Variants in DPP6 observed in about 807,000 individuals in gnomAD.
DPP6 encodes the protein dipeptidyl peptidase like 6.
DPP6 carries 69 observed loss-of-function variants against 122.6 expected under a neutral mutation model. The observed-to-expected ratio is 0.56, with a 90% CI of 0.46 to 0.69. The LOEUF (loss-of-function observed/expected upper bound fraction) is 0.69. Among genes scored for constraint, DPP6 ranks in the 30% least tolerant of loss-of-function variants. The probability of loss-of-function intolerance (pLI) is 0.00; values close to 1 mark genes in which losing one functional copy is unlikely to be tolerated. For missense variants in DPP6, 928 were observed against 1,116.9 expected, an observed-to-expected ratio of 0.83 and a Z score of 2.41; for synonymous variants, 418 against 433.1, an observed-to-expected ratio of 0.97 and a Z score of 0.43.
intron 6 of DPP6, among the ~76,000 whole-genome samples, chr7:154,667,646 C>T (rs1468320571): frequency 1.3e-5 from 2 of 152,132 alleles, no homozygotes; most frequent in Non-Finnish European, 2.9e-5. Flanking sequence ...TCACTTGAAC[C>T]TAGGAAGCAG....
chr7:154,429,095 G>A (rs923753864), intron 1 of DPP6, among the ~76,000 whole-genome samples: 1 of 151,770 alleles, frequency 6.6e-6, no homozygotes, highest in Non-Finnish European at 1.5e-5. Context: ...TAAAGGCCTG[G>A]CCTCAGGTCT....
chr7:154,015,326 C>T (rs1798350866), intron 1 of DPP6, among the ~76,000 whole-genome samples: 1 of 152,154 alleles, frequency 6.6e-6, no homozygotes, highest in Non-Finnish European at 1.5e-5. Context: ...GTCTTATCTG[C>T]CTGCCCTCTT....
chr7:153,973,439 C>G (rs1426333022), intron 1 of DPP6, among the ~76,000 whole-genome samples: 1 of 152,108 alleles, frequency 6.6e-6, no homozygotes, highest in East Asian at 1.9e-4. Flanking sequence ...CTAAAATGGA[C>G]TATGTGGAGG....
intron 1 of DPP6, among the ~76,000 whole-genome samples, chr7:153,900,366 G>A (rs76089999): frequency 0.026 from 3,947 of 152,154 alleles, 62 homozygotes; most frequent in Non-Finnish European, 0.034. Context: ...CATACCTGAG[G>A]CTGGGTAATC....
At chr7:154,347,983 G>GT (rs1032953491) in intron 1 of DPP6, among the ~76,000 whole-genome samples, 1 of 152,146 alleles carries the variant, frequency 6.6e-6, no homozygotes, top group Non-Finnish European at 1.5e-5. Context: ...GAAATCATTT[G>GT]TTTTTTAGCA....
chr7:154,728,477 T>G (rs1842179030), intron 8 of DPP6, among the ~76,000 whole-genome samples: 2 of 152,224 alleles, frequency 1.3e-5, no homozygotes, highest in Non-Finnish European at 2.9e-5. Context: ...AGCTCTCTTC[T>G]TAAACTTTGA....
chr7:153,887,918 G>A (rs1384006556), intron 1 of DPP6, among the ~76,000 whole-genome samples: 4 of 152,312 alleles, frequency 2.6e-5, no homozygotes, highest in East Asian at 1.9e-4. Context: ...ATGCGGAGGA[G>A]CAGGCATTTC....
At chr7:154,448,132 G>A (rs887678194) in intron 2 of DPP6, among the ~76,000 whole-genome samples, 9 of 151,994 alleles carry the variant, frequency 5.9e-5, no homozygotes, top group African/African-American at 1.9e-4. Context: ...AAAGAAAGAA[G>A]TAAACCTGTC....
intron 1 of DPP6, among the ~76,000 whole-genome samples, chr7:154,229,324 G>A (rs1381087844): frequency 6.6e-6 from 1 of 152,102 alleles, no homozygotes; most frequent in Non-Finnish European, 1.5e-5. Flanking sequence ...AATGCTTCAG[G>A]ATCTTGACCC....
intron 1 of DPP6, among the ~76,000 whole-genome samples, chr7:154,043,130 G>A (rs57301263): frequency 0.17 from 25,912 of 151,976 alleles, 3,310 homozygotes; most frequent in African/African-American, 0.36. Flanking sequence ...GCTCACGTCT[G>A]TAATCCCAGC....
chr7:154,883,241 C>G (rs1312415536), intron 21 of DPP6, among the ~76,000 whole-genome samples: 1 of 145,186 alleles, frequency 6.9e-6, no homozygotes, highest in Non-Finnish European at 1.5e-5. Flanking sequence ...CTCACACATT[C>G]ACACACGCTC....
intron 2 of DPP6, among the ~76,000 whole-genome samples, chr7:154,474,382 G>A (rs1259692432): frequency 6.6e-6 from 1 of 152,206 alleles, no homozygotes; most frequent in African/African-American, 2.4e-5. Flanking sequence ...GATGCGGCAA[G>A]GCAGAATCTG....
Position 154,624,126 on chromosome 7 carries a change from A to G in DPP6, c.628-13695A>G, listed in dbSNP as rs367649295. On this transcript the variant is annotated intron_variant, in intron 5 of 25. Transcript: ENST00000377770. This position sits in a 1 kb window ranked among gnomAD's most constrained non-coding sequence, Gnocchi z 4.7. The stretch of plus-strand genomic sequence containing the variant: ...GGGTGGATCATGAGATCAGGAGTTC[A>G]AGACCAGCCTGGCCAAAATGGTGAA... Among the ~76,000 whole-genome samples, 1 of 152,016 alleles carries G rather than the reference A, an allele frequency of 6.6e-6. No homozygotes were observed. The highest frequency in any genetic ancestry group is 1.9e-4 in the East Asian group (1 of 5,172).
intron 1 of DPP6, among the ~76,000 whole-genome samples, chr7:154,391,133 G>A (rs566486436): frequency 7.2e-5 from 11 of 152,184 alleles, no homozygotes; most frequent in South Asian, 2.1e-4. Flanking sequence ...ATCACTGTCC[G>A]CCGCGCGGCA....
Position 154,795,860 on chromosome 7 carries a change from A to G in DPP6, c.1276A>G (p.Ser426Gly). The G allele has an allele frequency of 1.2e-6, 2 of 1,612,528 alleles. No homozygotes were observed. The highest frequency in any genetic ancestry group is 1.7e-6 in the Non-Finnish European group (2 of 1,179,350). The stretch of plus-strand genomic sequence containing the variant: ...TTCATTTCAGAAACACGAGGATGAA[A>G]GTGAGGCCTGGCTCCACAGACAGGT... The part of the protein sequence containing the change: ...GVCTKKHEDE[S>G]EAWLHRQNEE... Residue 426 changes from serine (S) to glycine (G), a missense_variant, in exon 12 of 26, where the codon AGT (serine) becomes GGT (glycine). Physicochemically the swap from Ser to Gly is moderately conservative, Grantham distance 56. Coordinates refer to ENST00000377770, the MANE Select transcript of DPP6 (RefSeq NM_130797.4).
intron 1 of DPP6, among the ~76,000 whole-genome samples, chr7:153,971,931 C>T (rs915929926): frequency 3.4e-5 from 5 of 147,708 alleles, no homozygotes; most frequent in East Asian, 3.9e-4. Context: ...GAAGCTTTCT[C>T]TAGGCAGTGA....
intron 1 of DPP6, among the ~76,000 whole-genome samples, chr7:153,964,882 T>C (rs1795581336): frequency 6.9e-6 from 1 of 144,458 alleles, no homozygotes; most frequent in Non-Finnish European, 1.5e-5. Context: ...CCTTTTTTTC[T>C]TTCTTCCCTT....
At chr7:153,920,869 C>T (rs1323257351) in intron 1 of DPP6, among the ~76,000 whole-genome samples, 1 of 151,946 alleles carries the variant, frequency 6.6e-6, no homozygotes. Flanking sequence ...CTTTCTTACA[C>T]GTTATTAATA....
intron 3 of DPP6, among the ~76,000 whole-genome samples, chr7:154,511,174 C>T (rs1269659805): frequency 1.3e-5 from 2 of 152,074 alleles, no homozygotes; most frequent in Non-Finnish European, 2.9e-5. Flanking sequence ...GGGAGATTCA[C>T]CTCAATCTAA....
Sources: allele counts gnomAD v4.1 joint callset (sites outside exome capture counted in the v4.1 genomes callset), GRCh38; gene constraint gnomAD v4.1.1; non-coding constraint Gnocchi (gnomAD v3.1); transcripts MANE v1.5; gene names NCBI Gene and HGNC (gene_info 2026-07-23, HGNC 2026-07-21).